Variants in ERG observed in about 807,000 individuals in gnomAD.
ERG encodes ETS transcription factor ERG.
ERG carries 9 observed loss-of-function variants against 55.3 expected under a neutral mutation model. The observed-to-expected ratio is 0.16, with a 90% CI of 0.10 to 0.28. The LOEUF (loss-of-function observed/expected upper bound fraction) is 0.28, where lower values mean the gene tolerates loss of function less well. ERG is among the 10% of genes least tolerant of loss of function. The pLI, the probability that ERG is intolerant of heterozygous loss-of-function variation, is 1.00. For missense variants in ERG, 434 were observed against 631.6 expected (o/e 0.69, Z 3.35); for synonymous variants, 223 against 237.3 (o/e 0.94, Z 0.55).
At chr21:38,548,445 A>G (rs947284564) in intron 2 of ERG, among the ~76,000 whole-genome samples, 4 of 150,048 alleles carry the variant, frequency 2.7e-5, no homozygotes, top group African/African-American at 7.4e-5. Context: ...GACCATTATC[A>G]TATGATTTTT....
intron 1 of ERG, among the ~76,000 whole-genome samples, chr21:38,455,558 A>C (rs2058980300): frequency 6.6e-6 from 1 of 152,184 alleles, no homozygotes. Flanking sequence ...CAAAGGCTAA[A>C]AATACAGTGT....
At chr21:38,384,768 C>T (rs1163088611) in intron 9 of ERG, among the ~76,000 whole-genome samples, 1 of 150,842 alleles carries the variant, frequency 6.6e-6, no homozygotes, top group East Asian at 1.9e-4. Context: ...TGCTGGCGCT[C>T]AGAAAGCAAT....
intron 2 of ERG, among the ~76,000 whole-genome samples, chr21:38,559,849 T>A (rs1393483015): frequency 6.6e-6 from 1 of 152,042 alleles, no homozygotes; most frequent in African/African-American, 2.4e-5. Flanking sequence ...CCCAGCTAAT[T>A]TTTTTGTATT....
At chr21:38,597,498 C>CACACAT (rs2060138910) in intron 1 of ERG, among the ~76,000 whole-genome samples, 1 of 151,778 alleles carries the variant, frequency 6.6e-6, no homozygotes, top group Admixed American at 6.6e-5. Flanking sequence ...CACACACACA[C>CACACAT]ACGCACACAG....
chr21:38,515,852 T>C (rs1199845797), intron 2 of ERG, among the ~76,000 whole-genome samples: 2 of 151,896 alleles, frequency 1.3e-5, no homozygotes, highest in Non-Finnish European at 2.9e-5. Context: ...ATAAATATGA[T>C]ACATCACATC....
chr21:38,657,133 G>A (rs1404445383), intron 1 of ERG, among the ~76,000 whole-genome samples: 2 of 152,106 alleles, frequency 1.3e-5, no homozygotes, highest in African/African-American at 4.8e-5. Context: ...AAAAAAAAGA[G>A]GTGATAAATT....
chr21:38,623,944 T>A (rs1437077252), intron 1 of ERG, among the ~76,000 whole-genome samples: 3 of 146,004 alleles, frequency 2.1e-5, no homozygotes, highest in African/African-American at 4.9e-5. Context: ...TTACAATAAT[T>A]TTTTTAAAGA....
chr21:38,554,918 C>T (rs1482497099), intron 2 of ERG, among the ~76,000 whole-genome samples: 1 of 150,674 alleles, frequency 6.6e-6, no homozygotes, highest in African/African-American at 2.4e-5. Context: ...AAAATTAAAC[C>T]ATAAAACACA....
At chr21:38,479,957 T>C (rs1359903088) in intron 1 of ERG, among the ~76,000 whole-genome samples, 7 of 152,194 alleles carry the variant, frequency 4.6e-5, no homozygotes, top group Admixed American at 6.5e-5. Context: ...ACGGCTTCTC[T>C]TTAACATACC....
At chr21:38,567,701 A>T (rs1306500794) in intron 2 of ERG, among the ~76,000 whole-genome samples, 1 of 152,178 alleles carries the variant, frequency 6.6e-6, no homozygotes, top group African/African-American at 2.4e-5. Flanking sequence ...CAACTCAATG[A>T]GTCTTTTGTC....
chr21:38,597,275 A>T (rs2060136843), intron 1 of ERG, among the ~76,000 whole-genome samples: 1 of 152,184 alleles, frequency 6.6e-6, no homozygotes, highest in Admixed American at 6.5e-5. Flanking sequence ...ATATAATGAG[A>T]TGTATTTTTA....
chr21:38,399,630 GC>G (rs776836863), intron 6 of ERG, among the ~76,000 whole-genome samples: 1 of 152,182 alleles, frequency 6.6e-6, no homozygotes, highest in Non-Finnish European at 1.5e-5. Flanking sequence ...TCTGGGAAAT[GC>G]CCTCTCTCCC....
intron 1 of ERG, among the ~76,000 whole-genome samples, chr21:38,639,366 T>A (rs954611482): frequency 1.8e-4 from 27 of 147,622 alleles, no homozygotes; most frequent in South Asian, 1.1e-3. Flanking sequence ...GTTTTAACTT[T>A]AAAAAAAAAA....
intron 1 of ERG, among the ~76,000 whole-genome samples, chr21:38,643,288 G>T (rs2060436256): frequency 6.6e-6 from 1 of 152,190 alleles, no homozygotes; most frequent in African/African-American, 2.4e-5. Flanking sequence ...TATAATGGAA[G>T]ATTTACGGGA....
At chr21:38,470,829 T>G (rs1421832801) in intron 1 of ERG, 1 of 152,204 alleles carries the variant, frequency 6.6e-6, no homozygotes, top group African/African-American at 2.4e-5. Context: ...TTTAATTGAG[T>G]GTGTGCATTT....
intron 1 of ERG, among the ~76,000 whole-genome samples, chr21:38,645,678 TG>T (rs2060451709): frequency 6.6e-6 from 1 of 152,040 alleles, no homozygotes; most frequent in Non-Finnish European, 1.5e-5. Flanking sequence ...TGAGAAAGAG[TG>T]AGCTTTTACA....
chr21:38,577,649 T>C (rs971801616), intron 1 of ERG, among the ~76,000 whole-genome samples: 1 of 151,990 alleles, frequency 6.6e-6, no homozygotes, highest in African/African-American at 2.4e-5. Flanking sequence ...ACTCCCCTTA[T>C]CCTAAGAGCA....
rs536329811 is a variant in ERG at position 38,597,507 on chromosome 21, A to G, written c.-149-12562T>C. ...CACACACACACACACACACGCACAC[A>G]GAGAAAGAGAGAGAGGGAGAAAGAT... is the stretch of plus-strand genomic sequence containing the variant. On this transcript the variant is annotated intron_variant, in intron 1 of 10. Coordinates refer to the ERG transcript ENST00000398910. 1.7e-3 allele frequency among the ~76,000 whole-genome samples: 242 copies of G among 145,808 alleles called. 1 individual carries two copies. The highest frequency in any genetic ancestry group is 4.6e-3 in the African/African-American group (187 of 40,280).
At chr21:38,582,460 A>T (rs1033836280) in intron 1 of ERG, among the ~76,000 whole-genome samples, 1 of 150,706 alleles carries the variant, frequency 6.6e-6, no homozygotes, top group African/African-American at 2.4e-5. Flanking sequence ...GGGAAACATG[A>T]ATAAAAAATT....
Sources: allele counts gnomAD v4.1 joint callset (sites outside exome capture counted in the v4.1 genomes callset), GRCh38; gene constraint gnomAD v4.1.1; transcripts MANE v1.5; gene names NCBI Gene and HGNC (gene_info 2026-07-23, HGNC 2026-07-21).